TENM4: variants seen among roughly 807,000 people sequenced by gnomAD.
TENM4 encodes the protein teneurin-4.
Under a neutral mutation model 243.3 loss-of-function variants are expected in TENM4, and 82 were observed. The observed-to-expected ratio is 0.34, with a 90% CI of 0.28 to 0.40. TENM4 has a LOEUF of 0.40. Among genes scored for constraint, TENM4 ranks in the 10% least tolerant of loss-of-function variants. The pLI is 1.00. For synonymous variants in TENM4, 1,412 were observed against 1,456.3 expected (o/e 0.97, Z 0.69); for missense variants, 3,138 against 3,673.3 (o/e 0.85, Z 3.77).
intron 1 of TENM4, chr11:79,422,160 G>A (rs1858946276): frequency 6.5e-6 from 1 of 153,898 alleles, no homozygotes; most frequent in East Asian, 1.9e-4. Context: ...CAGTGTTTGT[G>A]GGTGATTTGA....
At chr11:79,013,157 C>T (rs1471982606) in intron 6 of TENM4, among the ~76,000 whole-genome samples, 1 of 152,150 alleles carries the variant, frequency 6.6e-6, no homozygotes, top group Non-Finnish European at 1.5e-5. Flanking sequence ...GAAATGGCAA[C>T]ATTCAGGGGG....
chr11:79,241,752 G>A (rs972667985), intron 2 of TENM4, among the ~76,000 whole-genome samples: 8 of 152,060 alleles, frequency 5.3e-5, no homozygotes, highest in South Asian at 2.1e-4. Context: ...GGTGGGGGGC[G>A]GAGGTTGGTA....
At chr11:79,169,347 C>T (rs185163564) in intron 3 of TENM4, among the ~76,000 whole-genome samples, 5 of 152,292 alleles carry the variant, frequency 3.3e-5, no homozygotes, top group Non-Finnish European at 7.3e-5. Flanking sequence ...GACCAGATCC[C>T]TCTCCTTGAG....
chr11:79,116,510 GAAATAGTA>G (rs11267227), intron 4 of TENM4, among the ~76,000 whole-genome samples: 142,678 of 151,854 alleles, frequency 0.94, 67,631 homozygotes, highest in Middle Eastern at 1. Flanking sequence ...ACGGTGCTGT[GAAATAGTA>G]AAATAGTATT....
At chr11:79,057,235 C>T (rs1859966576) in intron 6 of TENM4, among the ~76,000 whole-genome samples, 1 of 152,120 alleles carries the variant, frequency 6.6e-6, no homozygotes, top group African/African-American at 2.4e-5. Flanking sequence ...CCACTCAGAA[C>T]CCTCCGTGGC....
chr11:78,905,093 A>G (rs1156866901), intron 6 of TENM4, among the ~76,000 whole-genome samples: 1 of 152,226 alleles, frequency 6.6e-6, no homozygotes, highest in African/African-American at 2.4e-5. Context: ...TCACAGGGCT[A>G]CTGTGAGATC....
At chr11:79,142,671 G>A (rs1862309770) in intron 4 of TENM4, among the ~76,000 whole-genome samples, 1 of 151,854 alleles carries the variant, frequency 6.6e-6, no homozygotes, top group Non-Finnish European at 1.5e-5. Flanking sequence ...CCTGGAATAG[G>A]CAAAGCTATC....
In TENM4 at chr11:78,890,804, T is replaced by C. The variant is rs367667686; in HGVS notation, c.848+434A>G. Among the ~76,000 whole-genome samples the C allele has an allele frequency of 2.4e-3, 361 of 152,350 alleles. 2 individuals carry two copies. Among genetic ancestry groups the C allele is most frequent in the African/African-American group, 8.3e-3 (346 of 41,582 alleles). ...CTCCTCCACAGCTTGGCTTTAACCA[T>C]GGCCATGGGAGGACTTGCACACAGC... On this transcript the variant is annotated intron_variant, in intron 8 of 33. Transcript: ENST00000278550.
At chr11:78,997,107 C>T (rs1203608445) in intron 6 of TENM4, among the ~76,000 whole-genome samples, 1 of 152,198 alleles carries the variant, frequency 6.6e-6, no homozygotes, top group East Asian at 1.9e-4. Flanking sequence ...AAAGTGACCA[C>T]AGGCTGCTGA....
chr11:79,361,969 GT>G (rs1319217358), intron 1 of TENM4, among the ~76,000 whole-genome samples: 1 of 152,208 alleles, frequency 6.6e-6, no homozygotes, highest in Non-Finnish European at 1.5e-5. Context: ...ACTAGGCCCT[GT>G]GTGCCTCAAC....
Position 79,148,754 on chromosome 11 carries a change from A to G in TENM4, c.-110T>C, listed in dbSNP as rs1174315194. ...AAAGGGTCTAAGAATAGTCCTTCAA[A>G]TAATCCTTGAAGTATGCAATTTTAA... On this transcript the variant is annotated 5_prime_UTR_variant, in exon 4 of 34. Transcript: ENST00000278550. The G allele has an allele frequency of 1.0e-6, 1 of 983,266 alleles. No homozygotes were observed. Among genetic ancestry groups the G allele is most frequent in the East Asian group, 1.1e-4 (1 of 8,792 alleles). 60.9% of individuals were successfully genotyped at this position (983,266 alleles called of 1,614,324 possible).
At chr11:78,792,286 C>A (rs1018930688) in intron 15 of TENM4, among the ~76,000 whole-genome samples, 1 of 152,160 alleles carries the variant, frequency 6.6e-6, no homozygotes. Context: ...GAAAAGCATG[C>A]TCTTCCTCTG....
intron 1 of TENM4, among the ~76,000 whole-genome samples, chr11:79,437,846 G>C (rs1178111503): frequency 6.6e-6 from 1 of 152,154 alleles, no homozygotes; most frequent in Non-Finnish European, 1.5e-5. Flanking sequence ...GGATTCCCAC[G>C]GCTGGACCAG....
chr11:78,805,582 G>T, intron 14 of TENM4, 90 bp from the exon 15 acceptor site: 3 of 1,451,938 alleles, frequency 2.1e-6, no homozygotes, highest in Non-Finnish European at 2.8e-6. Flanking sequence ...TGTGGCCAAG[G>T]GGCTTCATAC....
chr11:78,811,263 C>T (rs1219246810), intron 14 of TENM4, among the ~76,000 whole-genome samples: 1 of 152,158 alleles, frequency 6.6e-6, no homozygotes, highest in Non-Finnish European at 1.5e-5. Context: ...GGCTCTTCCT[C>T]TCAGCTGGAA....
In TENM4 at chr11:79,064,980, C is replaced by A. The variant is rs1442238560; in HGVS notation, c.251G>T (p.Gly84Val). ...TGANFTLREL[G>V]LEEVTPPHGT... ...GTGAGGGGGCGTTACTTCTTCCAGC[C>A]CCAGCTCCCGCAGGGTGAAGTTGGC... Residue 84 changes from glycine (G) to valine (V), a missense_variant, in exon 6 of 34, where the codon GGG becomes GTG. Gly to Val is a moderately radical substitution (Grantham distance 109). Coordinates refer to ENST00000278550, the MANE Select transcript of TENM4 (RefSeq NM_001098816.3). 3 of 1,465,058 alleles carry A rather than the reference C, an allele frequency of 2.0e-6. No homozygotes were observed. The highest frequency in any genetic ancestry group is 2.9e-5 in the South Asian group (2 of 69,850). The allele number at this position is 1,465,058 out of a possible 1,614,324, so 90.8% of individuals were successfully genotyped here.
intron 6 of TENM4, among the ~76,000 whole-genome samples, chr11:79,013,091 A>C (rs1858688062): frequency 6.6e-6 from 1 of 152,228 alleles, no homozygotes; most frequent in Admixed American, 6.5e-5. Flanking sequence ...AATAACTGGC[A>C]TTATCCTAAT....
intron 3 of TENM4, among the ~76,000 whole-genome samples, chr11:79,194,142 T>C (rs1191020491): frequency 6.6e-6 from 1 of 152,014 alleles, no homozygotes; most frequent in Non-Finnish European, 1.5e-5. Context: ...ATTTTTCTCT[T>C]GCTGCCGCCA....
intron 3 of TENM4, among the ~76,000 whole-genome samples, chr11:79,168,385 G>A (rs796821001): frequency 6.6e-6 from 1 of 152,168 alleles, no homozygotes; most frequent in African/African-American, 2.4e-5. Context: ...CCAGGGGTGT[G>A]GGGGGATGCC....
Sources: allele counts gnomAD v4.1 joint callset (sites outside exome capture counted in the v4.1 genomes callset), GRCh38; gene constraint gnomAD v4.1.1; transcripts MANE v1.5; gene names NCBI Gene and HGNC (gene_info 2026-07-23, HGNC 2026-07-21).